DTNBP1: variants seen among roughly 807,000 people sequenced by gnomAD.
DTNBP1 encodes dystrobrevin binding protein 1.
Under a neutral mutation model 42.8 loss-of-function variants are expected in DTNBP1, and 35 were observed. The ratio of observed to expected loss-of-function variants is 0.82; its 90% CI spans 0.63 to 1.09. The LOEUF is 1.09. Among genes scored for constraint, DTNBP1 ranks in the 50% least tolerant of loss-of-function variants. The pLI is 0.00. For missense variants in DTNBP1, 457 were observed against 424.2 expected (o/e 1.08, Z -0.68); for synonymous variants, 171 against 162.2 (o/e 1.05, Z -0.41).
chr6:15,586,124 T>C (rs937539595), intron 7 of DTNBP1: 1 of 774,250 alleles, frequency 1.3e-6, no homozygotes, highest in Non-Finnish European at 1.6e-6. Context: ...ACAAAGATGC[T>C]TTAGTAACAC....
chr6:15,594,375 G>C (rs1461940917), intron 6 of DTNBP1, among the ~76,000 whole-genome samples: 5 of 149,938 alleles, frequency 3.3e-5, no homozygotes, highest in Non-Finnish European at 5.9e-5. Context: ...TGAGGCAGGA[G>C]AATCACTTCA....
At chr6:15,556,590 A>T (rs1270584817) in intron 7 of DTNBP1, among the ~76,000 whole-genome samples, 1 of 152,148 alleles carries the variant, frequency 6.6e-6, no homozygotes, top group Admixed American at 6.5e-5. Context: ...TTCTCAAAGG[A>T]GAAACTTAAG....
At chr6:15,584,705 C>CTTTTTTTTTTT (rs147548247) in intron 7 of DTNBP1, among the ~76,000 whole-genome samples, 4 of 86,432 alleles carry the variant, frequency 4.6e-5, no homozygotes, top group East Asian at 7.4e-4. Context: ...ACATGTATTT[C>CTTTTTTTTTTT]TTTTTTTTTT....
intron 5 of DTNBP1, among the ~76,000 whole-genome samples, chr6:15,616,256 C>A (rs1175318880): frequency 6.6e-6 from 1 of 152,152 alleles, no homozygotes; most frequent in Non-Finnish European, 1.5e-5. Context: ...TTTTCTTATA[C>A]GAAAGAAAAG....
chr6:15,618,358 C>T (rs760229947), intron 5 of DTNBP1, among the ~76,000 whole-genome samples: 10 of 151,836 alleles, frequency 6.6e-5, no homozygotes, highest in Non-Finnish European at 1.3e-4. Context: ...AAATAACAGG[C>T]ACTAGGGACT....
At chr6:15,618,029 T>G (rs1361754684) in intron 5 of DTNBP1, among the ~76,000 whole-genome samples, 1 of 152,164 alleles carries the variant, frequency 6.6e-6, no homozygotes, top group Non-Finnish European at 1.5e-5. Flanking sequence ...CTGGGACTGC[T>G]GGCCATATGG....
chr6:15,647,654 C>T (rs1760764353), intron 3 of DTNBP1, among the ~76,000 whole-genome samples: 1 of 151,376 alleles, frequency 6.6e-6, no homozygotes, highest in African/African-American at 2.4e-5. Flanking sequence ...TGAGAGAGTG[C>T]TATGAACAAT....
chr6:15,556,479 C>G (rs1403935679), intron 7 of DTNBP1, among the ~76,000 whole-genome samples: 1 of 152,198 alleles, frequency 6.6e-6, no homozygotes, highest in East Asian at 1.9e-4. Context: ...TGCACCTGGC[C>G]TAAAAGTCTT....
At chr6:15,563,248 T>C (rs1182088897) in intron 7 of DTNBP1, among the ~76,000 whole-genome samples, 1 of 152,190 alleles carries the variant, frequency 6.6e-6, no homozygotes. Flanking sequence ...CCTATCACAA[T>C]ACCTCATTTG....
intron 8 of DTNBP1, 46 bp downstream of exon 8, chr6:15,533,194 G>A (rs532321679): frequency 1.9e-5 from 30 of 1,609,066 alleles, no homozygotes; most frequent in South Asian, 5.5e-5. Context: ...TCGCCACCCC[G>A]CACAGCCGGT....
At chr6:15,568,823 A>G (rs1327376012) in intron 7 of DTNBP1, among the ~76,000 whole-genome samples, 1 of 152,180 alleles carries the variant, frequency 6.6e-6, no homozygotes, top group African/African-American at 2.4e-5. Flanking sequence ...GACATACCAA[A>G]TACATGTTAA....
At chr6:15,585,736 T>C (rs1230383052) in intron 7 of DTNBP1, 5 of 1,535,054 alleles carry the variant, frequency 3.3e-6, no homozygotes, top group Non-Finnish European at 4.4e-6. Flanking sequence ...CCTCTGACTA[T>C]TTTCGGTGAG....
chr6:15,527,653 G>A (rs1343365727), intron 8 of DTNBP1, among the ~76,000 whole-genome samples: 1 of 152,074 alleles, frequency 6.6e-6, no homozygotes. Flanking sequence ...AGAAGTTAAT[G>A]AAACAGTAGA....
At chr6:15,558,075 A>G (rs372080089) in intron 7 of DTNBP1, among the ~76,000 whole-genome samples, 1 of 151,650 alleles carries the variant, frequency 6.6e-6, no homozygotes, top group Admixed American at 6.6e-5. Flanking sequence ...AAACACCTAT[A>G]ATTTTGATAT....
intron 3 of DTNBP1, among the ~76,000 whole-genome samples, chr6:15,641,280 C>A (rs563667643): frequency 6.6e-6 from 1 of 152,002 alleles, no homozygotes; most frequent in Non-Finnish European, 1.5e-5. Flanking sequence ...CAGTTTTTCT[C>A]AAAAAATAGA....
At chr6:15,580,532 G>A (rs1359480672) in intron 7 of DTNBP1, among the ~76,000 whole-genome samples, 1 of 152,164 alleles carries the variant, frequency 6.6e-6, no homozygotes, top group Non-Finnish European at 1.5e-5. Context: ...AAAACAGTAT[G>A]TTAATGACAT....
At chr6:15,626,611 A>G (rs58618239) in intron 5 of DTNBP1, among the ~76,000 whole-genome samples, 1 of 152,374 alleles carries the variant, frequency 6.6e-6, no homozygotes, top group East Asian at 1.9e-4. Context: ...TAGATGTGGC[A>G]TCATCAAACA....
chr6:15,562,243 C>T (rs942034392), intron 7 of DTNBP1, among the ~76,000 whole-genome samples: 3 of 152,178 alleles, frequency 2.0e-5, no homozygotes, highest in Non-Finnish European at 2.9e-5. Context: ...GCACAAGATC[C>T]AAGTACCCTC....
intron 7 of DTNBP1, among the ~76,000 whole-genome samples, chr6:15,584,705 C>CTTTTTTTT (rs147548247): frequency 2.0e-4 from 17 of 86,398 alleles, no homozygotes; most frequent in African/African-American, 2.8e-4. Context: ...ACATGTATTT[C>CTTTTTTTT]TTTTTTTTTT....
Sources: gnomAD v4.1 joint callset for allele counts (sites outside exome capture counted in the v4.1 genomes callset) on GRCh38, gnomAD v4.1.1 for gene constraint, MANE v1.5 for transcripts, NCBI Gene and HGNC (gene_info 2026-07-23, HGNC 2026-07-21) for gene names.